TASP1: variants seen among roughly 807,000 people sequenced by gnomAD.
TASP1 encodes the protein threonine aspartase 1.
In TASP1, 16 loss-of-function variants were observed where a neutral mutation model predicts 56.6. The observed-to-expected ratio is 0.28, with a 90% CI of 0.19 to 0.43. The LOEUF (loss-of-function observed/expected upper bound fraction) is 0.43, where lower values mean the gene tolerates loss of function less well. Among genes scored for constraint, TASP1 ranks in the 20% least tolerant of loss-of-function variants. The pLI is 1.00. For synonymous variants in TASP1, 179 were observed against 184.2 expected (o/e 0.97, Z 0.23); for missense variants, 393 against 511.6 (o/e 0.77, Z 2.24).
chr20:13,309,552 A>G, the TASP1 span, among the ~76,000 whole-genome samples: 5 of 152,078 alleles, frequency 3.3e-5, no homozygotes, highest in African/African-American at 1.2e-4. Context: ...AAGCATGCTC[A>G]CTCTTACTGC....
the TASP1 span, among the ~76,000 whole-genome samples, chr20:13,355,704 A>G: frequency 3.3e-5 from 5 of 152,210 alleles, no homozygotes; most frequent in Non-Finnish European, 5.9e-5. Context: ...GTGCCTTTGG[A>G]GTGCTCCATG....
the TASP1 span, among the ~76,000 whole-genome samples, chr20:13,329,874 C>T: frequency 1.3e-5 from 2 of 151,960 alleles, no homozygotes; most frequent in Admixed American, 6.6e-5. Flanking sequence ...CGGAGATTTT[C>T]GTAAATATCA....
intron 11 of TASP1, among the ~76,000 whole-genome samples, chr20:13,474,954 C>T (rs1386463770): frequency 6.6e-6 from 1 of 151,872 alleles, no homozygotes; most frequent in African/African-American, 2.4e-5. Context: ...TACTCATGTT[C>T]TTGGTCTACT....
chr20:13,209,808 T>G, the TASP1 span, among the ~76,000 whole-genome samples: 3 of 152,222 alleles, frequency 2.0e-5, no homozygotes, highest in Non-Finnish European at 4.4e-5. Flanking sequence ...ATAACAAATA[T>G]AGTCAAACCC....
chr20:13,610,585 T>C (rs2048318551), intron 4 of TASP1, among the ~76,000 whole-genome samples: 1 of 152,222 alleles, frequency 6.6e-6, no homozygotes, highest in South Asian at 2.1e-4. Flanking sequence ...ATTTTCAAAA[T>C]AAGATTGCAA....
At chr20:13,279,982 G>C in the TASP1 span, 2 of 1,333,282 alleles carry the variant, frequency 1.5e-6, no homozygotes, top group East Asian at 5.0e-5. Context: ...GCAAAACCCT[G>C]CTTAGAGCAT....
intron 11 of TASP1, among the ~76,000 whole-genome samples, chr20:13,455,352 T>G (rs1235947117): frequency 6.6e-6 from 1 of 152,102 alleles, no homozygotes; most frequent in South Asian, 2.1e-4. Context: ...TTTCAAAAAA[T>G]GTTTGCATGA....
intron 11 of TASP1, among the ~76,000 whole-genome samples, chr20:13,454,312 C>A (rs1255726988): frequency 6.6e-6 from 1 of 152,098 alleles, no homozygotes; most frequent in Non-Finnish European, 1.5e-5. Context: ...AGAGAAGAGG[C>A]AGGAAGACTG....
the TASP1 span, among the ~76,000 whole-genome samples, chr20:13,350,660 A>ATT: frequency 6.6e-6 from 1 of 152,102 alleles, no homozygotes; most frequent in Non-Finnish European, 1.5e-5. Flanking sequence ...ACATAAACAA[A>ATT]AAGACTAACC....
chr20:13,353,566 C>G, the TASP1 span, among the ~76,000 whole-genome samples: 1 of 152,300 alleles, frequency 6.6e-6, no homozygotes, highest in African/African-American at 2.4e-5. Context: ...ATGTGGGACA[C>G]ATTCATCAGC....
intron 10 of TASP1, among the ~76,000 whole-genome samples, chr20:13,522,966 G>A (rs1226309620): frequency 1.3e-5 from 2 of 152,114 alleles, no homozygotes; most frequent in African/African-American, 2.4e-5. Flanking sequence ...TTGAGCAACC[G>A]TGTCAAATGT....
the TASP1 span, among the ~76,000 whole-genome samples, chr20:13,132,171 ATTTT>A: frequency 0.021 from 2,177 of 103,938 alleles, 27 homozygotes; most frequent in South Asian, 0.033. Flanking sequence ...CCTTGCTTTA[ATTTT>A]TTTTTTTTTT....
the TASP1 span, among the ~76,000 whole-genome samples, chr20:13,317,739 G>C: frequency 1.4e-4 from 21 of 152,072 alleles, no homozygotes; most frequent in African/African-American, 5.1e-4. Context: ...GCATTCACAT[G>C]CAAAACAAAT....
chr20:13,472,988 T>C (rs2044573483), intron 11 of TASP1, among the ~76,000 whole-genome samples: 2 of 152,128 alleles, frequency 1.3e-5, no homozygotes, highest in African/African-American at 4.8e-5. Flanking sequence ...TTACTGGGTA[T>C]ATAAACCAAA....
At chr20:13,625,301 T>G in intron 2 of TASP1, 49 bp from the exon 3 acceptor site, 1 of 1,478,454 alleles carries the variant, frequency 6.8e-7, no homozygotes, top group Non-Finnish European at 9.3e-7. Flanking sequence ...TCAAGAGACC[T>G]TGCTTATGTT....
intron 10 of TASP1, among the ~76,000 whole-genome samples, chr20:13,510,060 G>A (rs914619086): frequency 1.3e-5 from 2 of 151,820 alleles, no homozygotes; most frequent in East Asian, 1.9e-4. Flanking sequence ...AAACCTTTAC[G>A]TGTACCCCTG....
At chr20:13,497,153 T>C (rs1381629867) in intron 10 of TASP1, among the ~76,000 whole-genome samples, 1 of 152,134 alleles carries the variant, frequency 6.6e-6, no homozygotes, top group African/African-American at 2.4e-5. Flanking sequence ...AGCTGAAAGA[T>C]ATCCACACCC....
rs143231350 is a variant in TASP1, at chr20:13,549,725, G to T, written c.675+9283C>A. On this transcript the variant is annotated intron_variant, in intron 8 of 13. Coordinates refer to ENST00000337743, the MANE Select transcript of TASP1 (RefSeq NM_017714.3). ...TTCCTGATAGGAAAGCTACAAGGTG[G>T]TGACTTGATATTATACACAAGATCA... Among the ~76,000 whole-genome samples, 548 of 152,132 alleles carry T rather than the reference G, an allele frequency of 3.6e-3. 3 individuals carry two copies. The highest frequency in any genetic ancestry group is 0.013 in the African/African-American group (519 of 41,506).
At chr20:13,541,960 G>A (rs951561848) in intron 8 of TASP1, among the ~76,000 whole-genome samples, 4 of 150,966 alleles carry the variant, frequency 2.6e-5, no homozygotes, top group Admixed American at 2.0e-4. Flanking sequence ...CAGGAGAATT[G>A]CTTGAACCCG....
Sources: allele counts gnomAD v4.1 joint callset (sites outside exome capture counted in the v4.1 genomes callset), GRCh38; gene constraint gnomAD v4.1.1; transcripts MANE v1.5; gene names NCBI Gene and HGNC (gene_info 2026-07-23, HGNC 2026-07-21).